The following KITLG variants were observed in gnomAD, a reference collection of about 807,000 sequenced individuals.
The protein encoded by KITLG is KIT ligand, also known as c-Kit ligand.
In KITLG, 13 loss-of-function variants were observed where a neutral mutation model predicts 34.1. The ratio of observed to expected loss-of-function variants is 0.38; its 90% confidence interval spans 0.25 to 0.61. The LOEUF is 0.61. Among genes scored for constraint, KITLG ranks in the 20% least tolerant of loss-of-function variants. The pLI is 0.60. For synonymous variants in KITLG, 110 were observed against 104.0 expected (o/e 1.06, Z -0.35); for missense variants, 292 against 318.9 (o/e 0.92, Z 0.64).
chr12:88,547,794 G>A (rs141090665), intron 1 of KITLG, among the ~76,000 whole-genome samples: 4 of 152,150 alleles, frequency 2.6e-5, no homozygotes, highest in East Asian at 3.9e-4. Flanking sequence ...AATCCTTTAC[G>A]CCTGGCATTG....
intron 9 of KITLG, 107 bp downstream of exon 9, chr12:88,505,052 T>C: frequency 8.2e-6 from 5 of 608,944 alleles, no homozygotes; most frequent in Non-Finnish European, 1.5e-5. Context: ...CACACCAACA[T>C]GGCACATGTA....
At chr12:88,507,268 T>G in intron 6 of KITLG, 131 bp from the exon 7 acceptor site, 1 of 643,304 alleles carries the variant, frequency 1.6e-6, no homozygotes, top group African/African-American at 1.8e-5. Flanking sequence ...TTCAAAAGAT[T>G]GATTTTTCTG....
chr12:88,506,273 C>T lies in KITLG; in HGVS notation c.782+38G>A, dbSNP rs755334349. 1.8e-4 allele frequency: 254 copies of T among 1,389,896 alleles called. 3 individuals carry two copies. In the South Asian group the frequency reaches 2.9e-3, roughly 16 times the overall value. 86.1% of individuals were successfully genotyped at this position (1,389,896 alleles called of 1,614,324 possible). On this transcript the variant is annotated intron_variant, in intron 8 of 9. Transcript: ENST00000644744. ...TACACAGTGTGTGAAATGGCAATGT[C>T]ATGCTTGATTGGGCACACATTTAGC...
intron 6 of KITLG, among the ~76,000 whole-genome samples, chr12:88,511,826 G>A (rs1423941473): frequency 2.6e-5 from 4 of 152,102 alleles, no homozygotes; most frequent in Admixed American, 6.6e-5. Flanking sequence ...CATGCCTTAG[G>A]AATAAGGCTA....
chr12:88,514,900 T>C (rs183400308), intron 6 of KITLG, among the ~76,000 whole-genome samples: 3 of 151,702 alleles, frequency 2.0e-5, no homozygotes, highest in African/African-American at 7.2e-5. Flanking sequence ...GGCTAGAGAG[T>C]ATTTAGTAAA....
intron 1 of KITLG, among the ~76,000 whole-genome samples, chr12:88,563,561 T>C (rs1055037875): frequency 2.0e-5 from 3 of 152,198 alleles, no homozygotes; most frequent in African/African-American, 4.8e-5. Flanking sequence ...CATGACTAAG[T>C]GGCAAGCTCT....
At chr12:88,536,124 A>G (rs1161033872) in intron 2 of KITLG, among the ~76,000 whole-genome samples, 1 of 152,188 alleles carries the variant, frequency 6.6e-6, no homozygotes, top group Non-Finnish European at 1.5e-5. Flanking sequence ...AACCTACAGA[A>G]TGGGGGAAAA....
intron 1 of KITLG, among the ~76,000 whole-genome samples, chr12:88,548,513 C>T (rs1870792307): frequency 6.6e-6 from 1 of 151,820 alleles, no homozygotes. Flanking sequence ...AGCAGACTCC[C>T]AGGCCATCTC....
intron 1 of KITLG, among the ~76,000 whole-genome samples, chr12:88,554,438 C>T (rs1871030137): frequency 6.6e-6 from 1 of 151,994 alleles, no homozygotes; most frequent in Non-Finnish European, 1.5e-5. Context: ...TTAGAGCTGC[C>T]CTGAACAAAA....
At position 88,497,182 on chromosome 12, in the gene KITLG, C is replaced by T. The variant is rs770838735; in HGVS notation, c.*38-1G>A. ...GAAGCAAACATGAACTGTTACCAGCCTAGAAAGGAAGGAAGAAAAGAGAGA... is the reference window on the plus strand; with the variant it reads ...GAAGCAAACATGAACTGTTACCAGCTTAGAAAGGAAGGAAGAAAAGAGAGA... On this transcript the variant is annotated splice_acceptor_variant, in intron 9 of 9. Coordinates refer to ENST00000644744, the MANE Select transcript of KITLG (RefSeq NM_000899.5). LOFTEE classifies it low-confidence loss of function (3UTR_SPLICE). 3.2e-5 allele frequency: 14 copies of T among 441,532 alleles called. No homozygotes were observed. Among genetic ancestry groups the T allele is most frequent in the Non-Finnish European group, 2.7e-5 (6 of 220,460 alleles). 27.4% of individuals were successfully genotyped at this position (441,532 alleles called of 1,614,324 possible).
intron 1 of KITLG, among the ~76,000 whole-genome samples, chr12:88,559,408 C>A (rs1871222138): frequency 6.6e-6 from 1 of 152,164 alleles, no homozygotes; most frequent in Non-Finnish European, 1.5e-5. Flanking sequence ...GCACTGGCCG[C>A]AACATATTTA....
At chr12:88,520,233 C>T (rs536916042) in intron 3 of KITLG, among the ~76,000 whole-genome samples, 83 of 152,290 alleles carry the variant, frequency 5.5e-4, no homozygotes, top group African/African-American at 1.9e-3. Context: ...TTTGTTAAAT[C>T]AGTGCTTACT....
chr12:88,541,975 G>A (rs1469627602), intron 2 of KITLG, among the ~76,000 whole-genome samples: 1 of 152,090 alleles, frequency 6.6e-6, no homozygotes, highest in African/African-American at 2.4e-5. Context: ...TCCATTGAAG[G>A]AATAACTGTG....
At chr12:88,503,676 T>C (rs1277228389) in intron 9 of KITLG, among the ~76,000 whole-genome samples, 1 of 152,138 alleles carries the variant, frequency 6.6e-6, no homozygotes, top group African/African-American at 2.4e-5. Context: ...GGACAGGAGA[T>C]AATGATACCA....
chr12:88,511,919 A>C (rs955022855), intron 6 of KITLG, among the ~76,000 whole-genome samples: 4 of 152,204 alleles, frequency 2.6e-5, no homozygotes, highest in African/African-American at 7.2e-5. Context: ...ACCTCCTACC[A>C]AAACACAATT....
At chr12:88,571,235 C>A (rs977459038) in intron 1 of KITLG, among the ~76,000 whole-genome samples, 1 of 152,144 alleles carries the variant, frequency 6.6e-6, no homozygotes, top group Non-Finnish European at 1.5e-5. Flanking sequence ...AAACAATGCT[C>A]TATTAAGTAA....
intron 1 of KITLG, among the ~76,000 whole-genome samples, chr12:88,569,325 A>C (rs1353517928): frequency 1.3e-5 from 2 of 152,220 alleles, no homozygotes; most frequent in African/African-American, 2.4e-5. Context: ...TTGTTTTAAA[A>C]AAAGAATAAA....
chr12:88,532,703 T>C (rs1870144570), intron 2 of KITLG, among the ~76,000 whole-genome samples, 200 bp from the exon 3 acceptor site: 3 of 152,150 alleles, frequency 2.0e-5, no homozygotes, highest in Non-Finnish European at 4.4e-5. Flanking sequence ...AAAAAAGTGA[T>C]AATACAGATC....
rs142870041 is a variant in KITLG at position 88,555,799 on chromosome 12, G to A, written c.16-9934C>T. Among the ~76,000 whole-genome samples, 753 of 152,172 alleles carry A rather than the reference G, an allele frequency of 4.9e-3. 7 individuals are homozygous for A. The highest frequency in any genetic ancestry group is 8.0e-3 in the Non-Finnish European group (542 of 68,006). ...CAGACTTCTAGTAACATTATCCCAG[G>A]GGCCACTTCTTCATTTAACAGACAT... On this transcript the variant is annotated intron_variant, in intron 1 of 9. Transcript: ENST00000644744.
Sources: allele counts gnomAD v4.1 joint callset (sites outside exome capture counted in the v4.1 genomes callset), GRCh38; gene constraint gnomAD v4.1.1; transcripts MANE v1.5; gene names NCBI Gene and HGNC (gene_info 2026-07-23, HGNC 2026-07-21).